The following KSR2 variants were observed in gnomAD, a reference collection of about 807,000 sequenced individuals.
The protein encoded by KSR2 is kinase suppressor of ras 2.
In KSR2, 25 loss-of-function variants were observed where a neutral mutation model predicts 107.8. That is an observed-to-expected ratio of 0.23 (90% confidence interval 0.17 to 0.32). KSR2 has a LOEUF of 0.32. Among genes scored for constraint, KSR2 ranks in the 10% least tolerant of loss-of-function variants. The pLI, the probability that KSR2 is intolerant of heterozygous loss-of-function variation, is 1.00. For missense variants in KSR2, 887 were observed against 1,268.9 expected, an observed-to-expected ratio of 0.70 and a Z score of 4.57; for synonymous variants, 480 against 507.0, an observed-to-expected ratio of 0.95 and a Z score of 0.71.
intron 3 of KSR2, among the ~76,000 whole-genome samples, chr12:117,828,012 G>A (rs1233638179): frequency 6.6e-6 from 1 of 152,082 alleles, no homozygotes; most frequent in Non-Finnish European, 1.5e-5. Flanking sequence ...ATCTCCTGGG[G>A]AGAAAAAATG....
chr12:117,809,581 C>T (rs1246434231), intron 3 of KSR2, among the ~76,000 whole-genome samples: 1 of 152,208 alleles, frequency 6.6e-6, no homozygotes, highest in African/African-American at 2.4e-5. Context: ...CTTGCCTCAT[C>T]AACATCACTC....
At chr12:117,585,186 G>C (rs753627944) in intron 5 of KSR2, among the ~76,000 whole-genome samples, 1 of 152,102 alleles carries the variant, frequency 6.6e-6, no homozygotes, top group Non-Finnish European at 1.5e-5. Context: ...AATGTCAATA[G>C]CATCAAGGTA....
At chr12:117,489,205 G>A (rs1030239042) in intron 14 of KSR2, among the ~76,000 whole-genome samples, 1 of 152,062 alleles carries the variant, frequency 6.6e-6, no homozygotes, top group African/African-American at 2.4e-5. Flanking sequence ...TTAGGGGGCT[G>A]GGGGAAGGCA....
At chr12:117,621,602 C>T (rs939800291) in intron 5 of KSR2, among the ~76,000 whole-genome samples, 1 of 152,054 alleles carries the variant, frequency 6.6e-6, no homozygotes, top group Non-Finnish European at 1.5e-5. Flanking sequence ...TGATTGCATC[C>T]ACATATAAAT....
At position 117,885,095 on chromosome 12, in the gene KSR2, C is replaced by A. The variant is rs77927462; in HGVS notation, c.181-24664G>T. On this transcript the variant is annotated intron_variant, in intron 1 of 19. Transcript: ENST00000339824. Reference sequence around the variant, plus strand: ...CAGTTTCCACTGCCCGGGGGACACACAACAGCCCTGTTGCATGTGGATGAT... The same window carrying A: ...CAGTTTCCACTGCCCGGGGGACACAAAACAGCCCTGTTGCATGTGGATGAT... 2.8e-3 allele frequency among the ~76,000 whole-genome samples: 425 copies of A among 152,252 alleles called. 2 individuals carry two copies. Among genetic ancestry groups the A allele is most frequent in the African/African-American group, 8.2e-3 (339 of 41,540 alleles).
chr12:117,941,084 CA>C (rs1353043376), intron 1 of KSR2, among the ~76,000 whole-genome samples: 3 of 151,584 alleles, frequency 2.0e-5, no homozygotes, highest in Admixed American at 6.6e-5. Flanking sequence ...GATTGTGTCT[CA>C]AAAAAATAAT....
chr12:117,482,126 C>T (rs2137135974), intron 16 of KSR2, among the ~76,000 whole-genome samples: 1 of 152,092 alleles, frequency 6.6e-6, no homozygotes, highest in Non-Finnish European at 1.5e-5. Flanking sequence ...GTTTGACTAC[C>T]CTGAGACTGC....
chr12:117,854,749 A>G (rs1336146956), intron 3 of KSR2, among the ~76,000 whole-genome samples: 1 of 152,138 alleles, frequency 6.6e-6, no homozygotes, highest in Non-Finnish European at 1.5e-5. Flanking sequence ...GGAAGATGAT[A>G]TCTGATGTTC....
intron 3 of KSR2, among the ~76,000 whole-genome samples, chr12:117,801,180 A>C (rs1890819522): frequency 6.6e-6 from 1 of 152,092 alleles, no homozygotes. Context: ...GCAGTGGCAC[A>C]ATCTTGGCTC....
chr12:117,597,897 T>A (rs545091770), intron 5 of KSR2, among the ~76,000 whole-genome samples: 4 of 152,328 alleles, frequency 2.6e-5, no homozygotes, highest in Admixed American at 2.0e-4. Context: ...CACAGCAACC[T>A]GAGGGTTCAG....
chr12:117,554,100 T>C (rs1009773593), intron 9 of KSR2, among the ~76,000 whole-genome samples: 7 of 152,166 alleles, frequency 4.6e-5, no homozygotes, highest in Admixed American at 3.3e-4. Flanking sequence ...ACATAATGCA[T>C]GCAAGCTTTG....
chr12:117,746,747 C>T (rs189436852), intron 4 of KSR2, among the ~76,000 whole-genome samples: 1 of 150,566 alleles, frequency 6.6e-6, no homozygotes, highest in Admixed American at 6.6e-5. Context: ...AAAAAAAAAC[C>T]CCCATCAAAA....
intron 1 of KSR2, among the ~76,000 whole-genome samples, chr12:117,948,542 T>C (rs1282717713): frequency 6.6e-6 from 1 of 151,546 alleles, no homozygotes; most frequent in Admixed American, 6.6e-5. Flanking sequence ...AAATGTGATA[T>C]TGACAAAGGA....
chr12:117,561,847 G>A (rs114351512), intron 7 of KSR2, among the ~76,000 whole-genome samples: 1 of 152,186 alleles, frequency 6.6e-6, no homozygotes, highest in Admixed American at 6.5e-5. Flanking sequence ...AGCTCATGAT[G>A]CTTCAAAGCC....
chr12:117,524,523 C>T (rs1485653090), intron 14 of KSR2, among the ~76,000 whole-genome samples: 1 of 152,040 alleles, frequency 6.6e-6, no homozygotes, highest in Admixed American at 6.6e-5. Context: ...AAAAATTAGC[C>T]AGGTGTGATG....
In KSR2 at chr12:117,943,720, AT is replaced by A. The variant is rs541811923; in HGVS notation, c.180+24355del. Among the ~76,000 whole-genome samples, 510 of 152,252 alleles carry A rather than the reference AT, an allele frequency of 3.3e-3. 6 individuals are homozygous for A. Among genetic ancestry groups the A allele is most frequent in the African/African-American group, 0.011 (474 of 41,548 alleles). ...GAAAGAAGTTGTAAAACAAAAGGCC[AT>A]TGATATGGTTTGGCTGTGTCCCCAC... On this transcript the variant is annotated intron_variant, in intron 1 of 19. Coordinates refer to ENST00000339824, the MANE Select transcript of KSR2 (RefSeq NM_173598.6).
Position 117,526,990 on chromosome 12 carries a change from C to T in KSR2, c.1851+81G>A, listed in dbSNP as rs534971711. 8.4e-5 allele frequency: 98 copies of T among 1,171,792 alleles called. 1 individual carries two copies. In the South Asian group the frequency reaches 8.7e-4, roughly 10 times the overall value. 72.6% of individuals were successfully genotyped at this position (1,171,792 alleles called of 1,614,324 possible). ...CCCCCACCTGACCCCAAGCCCTCTGCGTCATCCAAAACGTCAGTCGGCTTT... is the reference window on the plus strand; with the variant it reads ...CCCCCACCTGACCCCAAGCCCTCTGTGTCATCCAAAACGTCAGTCGGCTTT... On this transcript the variant is annotated intron_variant, in intron 13 of 19. Transcript: ENST00000339824.
At position 117,524,995 on chromosome 12, in the gene KSR2, C is replaced by G. The variant is rs564095781; in HGVS notation, c.2076G>C (p.Arg692=). Residue 692 remains arginine (R), a synonymous_variant, in exon 14 of 20, where the codon CGG becomes CGC. Coordinates refer to ENST00000339824, the MANE Select transcript of KSR2 (RefSeq NM_173598.6). ...CGTTGTCCCTCTCAATGTCAATCAG[C>G]CGGATGGCCACCTCGCCATGCCAGC... ...HGRWHGEVAI[R]LIDIERDNED... 1 of 1,613,928 alleles carries G rather than the reference C, an allele frequency of 6.2e-7. No homozygotes were observed. The highest frequency in any genetic ancestry group is 1.3e-5 in the African/African-American group (1 of 75,046).
intron 4 of KSR2, among the ~76,000 whole-genome samples, chr12:117,719,758 A>G (rs1033629552): frequency 2.0e-5 from 3 of 152,240 alleles, no homozygotes; most frequent in South Asian, 4.1e-4. Context: ...ATTGCATAAT[A>G]AATTGTTTAG....
Sources: gnomAD v4.1 joint callset for allele counts (sites outside exome capture counted in the v4.1 genomes callset) on GRCh38, gnomAD v4.1.1 for gene constraint, MANE v1.5 for transcripts, NCBI Gene and HGNC (gene_info 2026-07-23, HGNC 2026-07-21) for gene names.